Variants in GARNL3 observed in about 807,000 individuals in gnomAD.
The protein encoded by GARNL3 is GTPase-activating Rap/Ran-GAP domain-like protein 3.
In GARNL3, 63 loss-of-function variants were observed where a neutral mutation model predicts 125.0. That is an observed-to-expected ratio of 0.50 (90% CI 0.41 to 0.62). The LOEUF (loss-of-function observed/expected upper bound fraction) is 0.62. GARNL3 is among the 20% of genes least tolerant of loss of function. The pLI, the probability that GARNL3 is intolerant of heterozygous loss-of-function variation, is 0.00. For synonymous variants in GARNL3, 439 were observed against 457.5 expected (o/e 0.96, Z 0.52); for missense variants, 994 against 1,244.0 (o/e 0.80, Z 3.02).
intron 5 of GARNL3, among the ~76,000 whole-genome samples, chr9:127,318,583 G>GTACT (rs2065304227): frequency 6.6e-6 from 1 of 152,166 alleles, no homozygotes; most frequent in Admixed American, 6.5e-5. Flanking sequence ...AGCAAAGAAT[G>GTACT]TACTTATTCT....
chr9:127,340,563 G>A (rs1257199404), intron 13 of GARNL3, among the ~76,000 whole-genome samples: 4 of 151,214 alleles, frequency 2.6e-5, no homozygotes, highest in Admixed American at 6.6e-5. Flanking sequence ...GCTGCCTCCT[G>A]TCCCCACCTG....
At position 127,393,136 on chromosome 9, in the gene GARNL3, G is replaced by A; in HGVS notation, c.2924G>A (p.Gly975Glu). 6.2e-7 allele frequency: 1 copy of A among 1,611,560 alleles called. No homozygotes were observed. The highest frequency in any genetic ancestry group is 8.5e-7 in the Non-Finnish European group (1 of 1,177,830). ...SASTSEANPE[G>E]HSASSDQDPV... ...TCTACTTCCGAAGCCAACCCTGAGG[G>A]GCACTCAGCCAGCTCTGACCAGGAC... is the stretch of plus-strand genomic sequence containing the variant. Residue 975 changes from glycine to glutamate, a missense_variant, in exon 28 of 28, where the codon GGG becomes GAG. Coordinates refer to ENST00000373387, the MANE Select transcript of GARNL3 (RefSeq NM_032293.5).
At chr9:127,378,413 C>A (rs1326947242) in intron 22 of GARNL3, among the ~76,000 whole-genome samples, 1 of 151,778 alleles carries the variant, frequency 6.6e-6, no homozygotes, top group Non-Finnish European at 1.5e-5. Context: ...TTGGAGAAAC[C>A]CCGTCTCTAC....
At chr9:127,333,157 G>A in intron 9 of GARNL3, 36 bp downstream of exon 9, 1 of 1,542,082 alleles carries the variant, frequency 6.5e-7, no homozygotes, top group African/African-American at 1.4e-5. Flanking sequence ...GTTGTAATTT[G>A]TATAACTTTT....
chr9:127,383,130 G>A (rs1042230764), intron 22 of GARNL3, among the ~76,000 whole-genome samples: 2 of 152,244 alleles, frequency 1.3e-5, no homozygotes, highest in Non-Finnish European at 1.5e-5. Flanking sequence ...TCTGTAAAGT[G>A]AGTGTAATAA....
chr9:127,259,357 C>T (rs962058553), upstream of GARNL3, among the ~76,000 whole-genome samples: 1 of 152,148 alleles, frequency 6.6e-6, no homozygotes, highest in Admixed American at 6.5e-5. Context: ...TGTTAAATTG[C>T]CGAAGCAGAA....
chr9:127,331,720 CTTTT>C (rs60448026), intron 7 of GARNL3, among the ~76,000 whole-genome samples: 1 of 74,416 alleles, frequency 1.3e-5, no homozygotes, highest in African/African-American at 4.8e-5. Flanking sequence ...CTTGGGCTTG[CTTTT>C]TTTTTTTTTT....
chr9:127,348,860 T>G, intron 16 of GARNL3, 64 bp from the exon 17 acceptor site: 4 of 1,074,752 alleles, frequency 3.7e-6, no homozygotes, highest in Non-Finnish European at 4.2e-6. Flanking sequence ...TACATTTCCA[T>G]TTGGTGGGCT....
intron 7 of GARNL3, among the ~76,000 whole-genome samples, chr9:127,329,952 G>C (rs560343429): frequency 6.6e-5 from 10 of 152,286 alleles, no homozygotes; most frequent in African/African-American, 2.2e-4. Flanking sequence ...CAGCTCAGCT[G>C]GACCTGATCC....
intron 22 of GARNL3, among the ~76,000 whole-genome samples, chr9:127,382,161 A>G (rs371960503): frequency 6.6e-5 from 10 of 152,028 alleles, no homozygotes; most frequent in South Asian, 6.2e-4. Context: ...CTAGCTGGGC[A>G]TGGTGGCGGG....
At chr9:127,382,215 G>T (rs1832300679) in intron 22 of GARNL3, among the ~76,000 whole-genome samples, 1 of 152,000 alleles carries the variant, frequency 6.6e-6, no homozygotes, top group Non-Finnish European at 1.5e-5. Flanking sequence ...CAGGAGAATC[G>T]CTTGAACCTG....
rs574824297 is a variant in GARNL3 at position 127,302,194 on chromosome 9, G to A, written c.220-9442G>A. On this transcript the variant is annotated intron_variant, in intron 2 of 27. Coordinates refer to ENST00000373387, the MANE Select transcript of GARNL3 (RefSeq NM_032293.5). ...CCTGACCTCATGATCCACCCGCCTC[G>A]GCCTCCCAAAGTGCTTGGATTACAG... is the stretch of plus-strand genomic sequence containing the variant. Among the ~76,000 whole-genome samples the A allele has an allele frequency of 5.9e-5, 9 of 151,908 alleles. No individual in the cohort carries two copies. The South Asian group carries it at 1.7e-3, about 28-fold the overall frequency.
intron 22 of GARNL3, among the ~76,000 whole-genome samples, chr9:127,371,757 TTTG>T (rs1321995379): frequency 4.6e-5 from 7 of 152,252 alleles, no homozygotes; most frequent in African/African-American, 1.4e-4. Context: ...TGTTATATAT[TTTG>T]TTATCACATA....
chr9:127,391,381 CAG>C (rs994865335), intron 27 of GARNL3, among the ~76,000 whole-genome samples: 1 of 144,896 alleles, frequency 6.9e-6, no homozygotes, highest in African/African-American at 2.5e-5. Flanking sequence ...ACCAGATTGA[CAG>C]AGAGTTTTTA....
intron 1 of GARNL3, among the ~76,000 whole-genome samples, chr9:127,228,228 A>G (rs577646079): frequency 6.6e-6 from 1 of 152,282 alleles, no homozygotes; most frequent in East Asian, 1.9e-4. Context: ...ACAGTTTTTC[A>G]CTCTTACTAA....
At chr9:127,348,845 T>C (rs1246288295) in intron 16 of GARNL3, 79 bp from the exon 17 acceptor site, 9 of 906,118 alleles carry the variant, frequency 9.9e-6, no homozygotes, top group Non-Finnish European at 1.6e-5. Context: ...TCAGGTGTGG[T>C]ACTGTACATT....
chr9:127,311,094 A>G (rs896297648), intron 2 of GARNL3, among the ~76,000 whole-genome samples: 3 of 152,196 alleles, frequency 2.0e-5, no homozygotes, highest in African/African-American at 7.2e-5. Context: ...AGTTGTATCT[A>G]TATAATAAAA....
chr9:127,357,175 C>T, intron 20 of GARNL3, 44 bp from the exon 21 acceptor site: 2 of 1,603,492 alleles, frequency 1.2e-6, no homozygotes. Flanking sequence ...GAGCTGGCTG[C>T]TCTGTTCTCA....
intron 1 of GARNL3, among the ~76,000 whole-genome samples, chr9:127,282,177 T>G (rs377599797): frequency 6.6e-6 from 1 of 152,242 alleles, no homozygotes; most frequent in Admixed American, 6.5e-5. Context: ...GATTTATCTT[T>G]GTCCAGCAGT....
Sources: allele counts gnomAD v4.1 joint callset (sites outside exome capture counted in the v4.1 genomes callset), GRCh38; gene constraint gnomAD v4.1.1; transcripts MANE v1.5; gene names NCBI Gene and HGNC (gene_info 2026-07-23, HGNC 2026-07-21).